The following UPF1 variants were observed in gnomAD, a reference collection of about 807,000 sequenced individuals.
UPF1 encodes UPF1 RNA helicase and ATPase, also known as regulator of nonsense transcripts 1.
Under a neutral mutation model 129.2 loss-of-function variants are expected in UPF1, and 9 were observed. That is an observed-to-expected ratio of 0.07 (90% CI 0.04 to 0.12). UPF1 has a LOEUF of 0.12. Among genes scored for constraint, UPF1 ranks in the 10% least tolerant of loss-of-function variants. UPF1 has a pLI of 1.00. For missense variants in UPF1, 788 were observed against 1,525.3 expected, an observed-to-expected ratio of 0.52 and a Z score of 8.05; for synonymous variants, 649 against 644.9, an observed-to-expected ratio of 1.01 and a Z score of -0.10.
Position 18,840,066 on chromosome 19 carries a change from T to A in UPF1, c.232-5914T>A, listed in dbSNP as rs145431426. ...GCCTTTAGGAGCTGCTGGGGTGCCT[T>A]GACCAAGGCTGGGAGGAGGGCTCTG... is the stretch of plus-strand genomic sequence containing the variant. On this transcript the variant is annotated intron_variant, in intron 1 of 23. Transcript: ENST00000262803. 2.2e-3 allele frequency among the ~76,000 whole-genome samples: 340 copies of A among 152,052 alleles called. 1 individual carries two copies. The highest frequency in any genetic ancestry group is 7.9e-3 in the African/African-American group (329 of 41,452).
At chr19:18,856,640 C>T (rs927416540) in intron 13 of UPF1, among the ~76,000 whole-genome samples, 1 of 152,186 alleles carries the variant, frequency 6.6e-6, no homozygotes, top group African/African-American at 2.4e-5. Flanking sequence ...TGTCGTGAGG[C>T]GCAGAGCTCT....
In UPF1 at chr19:18,865,202, C is replaced by A; in HGVS notation, c.2858-87C>A. 4 of 1,465,052 alleles carry A rather than the reference C, an allele frequency of 2.7e-6. No homozygotes were observed. Among genetic ancestry groups the A allele is most frequent in the African/African-American group, 1.4e-5 (1 of 71,898 alleles). The allele number at this position is 1,465,052 out of a possible 1,614,324, so 90.8% of individuals were successfully genotyped here. On this transcript the variant is annotated intron_variant, in intron 20 of 23. Transcript: ENST00000262803. This position sits in a 1 kb window ranked among gnomAD's most constrained non-coding sequence, Gnocchi z 6.1. ...CAGAGCCAGGACAGATGTGCAGCTCCGGCTGACTGGCTGGTGGGGTGGGTG... is the reference window on the plus strand; with the variant it reads ...CAGAGCCAGGACAGATGTGCAGCTCAGGCTGACTGGCTGGTGGGGTGGGTG...
At chr19:18,843,844 C>G (rs1438220380) in intron 1 of UPF1, among the ~76,000 whole-genome samples, 2 of 151,894 alleles carry the variant, frequency 1.3e-5, no homozygotes, top group East Asian at 3.9e-4. Context: ...CTGCTGGGGT[C>G]AAGCAATCCT....
At chr19:18,836,195 C>T (rs769904065) in intron 1 of UPF1, among the ~76,000 whole-genome samples, 2 of 152,214 alleles carry the variant, frequency 1.3e-5, no homozygotes, top group Non-Finnish European at 2.9e-5. Context: ...TGCCACTTCT[C>T]CTGCTCCCAG....
chr19:18,863,291 C>T, intron 18 of UPF1, 147 bp from the exon 19 acceptor site: 3 of 1,064,686 alleles, frequency 2.8e-6, no homozygotes, highest in Non-Finnish European at 2.7e-6. Context: ...GGGGCCTGTC[C>T]CTGTGGCTGG....
rs2055844949 is a variant in UPF1, at chr19:18,866,397, C to T, written c.*4-124C>T. The T allele has an allele frequency of 5.6e-6, 3 of 532,366 alleles. No homozygotes were observed. The South Asian group carries it at 8.4e-5, about 15-fold the overall frequency. The allele number at this position is 532,366 out of a possible 1,614,324, so 33.0% of individuals were successfully genotyped here. A position where few individuals can be genotyped will look rare whatever the true frequency, so the allele number is the denominator to read the frequency against. ...TCTGCTCCGGGGACCACCGCGGGAC[C>T]TCAGTTTCCTCATCAGAGTCGGGGA... On this transcript the variant is annotated intron_variant, in intron 23 of 23. Coordinates refer to ENST00000262803, the MANE Select transcript of UPF1 (RefSeq NM_002911.4).
Position 18,850,626 on chromosome 19 carries a change from C to T in UPF1, c.630-62C>T. ...GTGAAAGGTCAGCATGGGAGGGGGCCCTCCCTGCTCCGGGGCTTCAGGGAC... is the reference window on the plus strand; with the variant it reads ...GTGAAAGGTCAGCATGGGAGGGGGCTCTCCCTGCTCCGGGGCTTCAGGGAC... On this transcript the variant is annotated intron_variant, in intron 4 of 23. Transcript: ENST00000262803. The surrounding 1 kb of genome is among the most constrained non-coding windows in gnomAD (Gnocchi z 7.1). 6.8e-7 allele frequency: 1 copy of T among 1,481,360 alleles called. No individual in the cohort carries two copies. Among genetic ancestry groups the T allele is most frequent in the Non-Finnish European group, 8.9e-7 (1 of 1,119,244 alleles). 91.8% of individuals were successfully genotyped at this position (1,481,360 alleles called of 1,614,324 possible).
chr19:18,848,766 T>A (rs1003630753), intron 3 of UPF1, among the ~76,000 whole-genome samples: 1 of 152,212 alleles, frequency 6.6e-6, no homozygotes, highest in Non-Finnish European at 1.5e-5. Flanking sequence ...CTGCTGTTTT[T>A]AAAAGATTTT....
chr19:18,855,887 C>T (rs369096759), intron 11 of UPF1, 38 bp from the exon 12 acceptor site: 2 of 1,604,798 alleles, frequency 1.2e-6, no homozygotes, highest in South Asian at 2.2e-5. Context: ...ACCGAGCTTC[C>T]TCTGGGTAAG....
In UPF1 at chr19:18,867,320, T is replaced by TGCTC. The variant is rs1479833057; in HGVS notation, c.*805_*808dup. On this transcript the variant is annotated 3_prime_UTR_variant, in exon 24 of 24. Transcript: ENST00000262803. The stretch of plus-strand genomic sequence containing the variant: ...GTAGCCGCCCGCCGAGCCTGGAAGC[T>TGCTC]GCTCGTTCTCCGCTGGACTCAGAAG... 6.6e-6 allele frequency: 1 copy of TGCTC among 152,282 alleles called. No individual in the cohort carries two copies. Among genetic ancestry groups the TGCTC allele is most frequent in the Non-Finnish European group, 1.5e-5 (1 of 68,052 alleles). The allele number at this position is 152,282 out of a possible 1,614,324, so 9.4% of individuals were successfully genotyped here. A position where few individuals can be genotyped will look rare whatever the true frequency, so the allele number is the denominator to read the frequency against.
At chr19:18,854,307 G>T (rs975231742) in intron 8 of UPF1, among the ~76,000 whole-genome samples, 2 of 152,190 alleles carry the variant, frequency 1.3e-5, no homozygotes, top group African/African-American at 4.8e-5. Context: ...CTTCGCTGCC[G>T]CCCTCTGCGT....
rs2055783744 is a variant in UPF1, at chr19:18,861,865, G to A, written c.2458-145G>A. The A allele has an allele frequency of 4.7e-5, 50 of 1,074,564 alleles. 1 individual carries two copies. In the South Asian group the frequency reaches 7.7e-4, roughly 17 times the overall value. The allele number at this position is 1,074,564 out of a possible 1,614,324, so 66.6% of individuals were successfully genotyped here. A position where few individuals can be genotyped will look rare whatever the true frequency, so the allele number is the denominator to read the frequency against. On this transcript the variant is annotated intron_variant, in intron 17 of 23. Coordinates refer to ENST00000262803, the MANE Select transcript of UPF1 (RefSeq NM_002911.4). Reference sequence around the variant, plus strand: ...ACAAAACGAAATGGCAGCAGAGCCAGGACAGCCCCTAGGTGCGGTGAGCAG... The same window carrying A: ...ACAAAACGAAATGGCAGCAGAGCCAAGACAGCCCCTAGGTGCGGTGAGCAG...
chr19:18,857,060 T>G, intron 14 of UPF1, 40 bp downstream of exon 14: 1 of 1,588,118 alleles, frequency 6.3e-7, no homozygotes, highest in Non-Finnish European at 8.6e-7. Context: ...AAAACTCGTG[T>G]GTGTGATTCT....
intron 2 of UPF1, 112 bp from the exon 3 acceptor site, chr19:18,847,632 G>A: frequency 1.1e-6 from 1 of 931,156 alleles, no homozygotes; most frequent in East Asian, 2.6e-5. Flanking sequence ...GGTTGAGTAT[G>A]TGTTTAATGA....
At chr19:18,857,297 T>G in intron 14 of UPF1, 23 bp from the exon 15 acceptor site, 1 of 1,596,100 alleles carries the variant, frequency 6.3e-7, no homozygotes. Flanking sequence ...CTTCTTGACT[T>G]GTGGGGGCCC....
intron 20 of UPF1, 130 bp downstream of exon 20, chr19:18,864,381 C>T: frequency 2.7e-6 from 2 of 731,584 alleles, no homozygotes; most frequent in South Asian, 1.8e-5. Context: ...CTCCCTTGGC[C>T]TCCCCGCCCC....
Position 18,851,175 on chromosome 19 carries a change from A to T in UPF1, c.810+307A>T, listed in dbSNP as rs1408494906. On this transcript the variant is annotated intron_variant, in intron 5 of 23. Coordinates refer to ENST00000262803, the MANE Select transcript of UPF1 (RefSeq NM_002911.4). This position sits in a 1 kb window ranked among gnomAD's most constrained non-coding sequence, Gnocchi z 4.2. ...GGGAAGAATGGGGCTGGCTGTGGGC[A>T]GACTTGTCCTGCAGAGCCTGAACCT... is the stretch of plus-strand genomic sequence containing the variant. 3.7e-6 allele frequency: 1 copy of T among 266,696 alleles called. No individual in the cohort carries two copies. The highest frequency in any genetic ancestry group is 2.2e-5 in the African/African-American group (1 of 45,334). 16.5% of individuals were successfully genotyped at this position (266,696 alleles called of 1,614,324 possible).
chr19:18,863,731 G>A (rs972129899), intron 19 of UPF1, 119 bp downstream of exon 19: 4 of 1,366,374 alleles, frequency 2.9e-6, no homozygotes, highest in Non-Finnish European at 3.9e-6. Flanking sequence ...CCTAGGGGAG[G>A]GTGGGCTCTC....
chr19:18,849,863 C>A, intron 3 of UPF1: 1 of 599,386 alleles, frequency 1.7e-6, no homozygotes, highest in Non-Finnish European at 2.9e-6. Context: ...GGAAGTTTTC[C>A]TTAAAGTGGT....
Sources: allele counts gnomAD v4.1 joint callset (sites outside exome capture counted in the v4.1 genomes callset), GRCh38; gene constraint gnomAD v4.1.1; non-coding constraint Gnocchi (gnomAD v3.1); transcripts MANE v1.5; gene names NCBI Gene and HGNC (gene_info 2026-07-23, HGNC 2026-07-21).